The following DHRS3 variants were observed in gnomAD, a reference collection of about 807,000 sequenced individuals.
DHRS3 encodes the protein short-chain dehydrogenase/reductase 3.
DHRS3 carries 14 observed loss-of-function variants against 27.2 expected under a neutral mutation model. The observed-to-expected ratio is 0.52, with a 90% CI of 0.34 to 0.81. The LOEUF is 0.81. DHRS3 is among the 30% of genes least tolerant of loss of function. DHRS3 has a pLI of 0.01. For synonymous variants in DHRS3, 165 were observed against 175.9 expected (o/e 0.94, Z 0.49); for missense variants, 322 against 406.2 (o/e 0.79, Z 1.78).
rs1446538613 is a variant in DHRS3, at chr1:12,574,651, G to A, written c.699-1798C>T. 6.6e-6 allele frequency among the ~76,000 whole-genome samples: 1 copy of A among 152,200 alleles called. No homozygotes were observed. The highest frequency in any genetic ancestry group is 1.5e-5 in the Non-Finnish European group (1 of 68,038). ...CTGTCTCTTGGGAAAGGGAAGGCAG[G>A]ATGGACAGACCAAAGTCCATGGGCT... is the stretch of plus-strand genomic sequence containing the variant. On this transcript the variant is annotated intron_variant, in intron 4 of 5. Coordinates refer to ENST00000616661, the MANE Select transcript of DHRS3 (RefSeq NM_004753.7). This position sits in a 1 kb window ranked among gnomAD's most constrained non-coding sequence, Gnocchi z 4.6.
chr1:12,592,799 C>T lies in DHRS3; in HGVS notation c.196-12133G>A, dbSNP rs1646757275. On this transcript the variant is annotated intron_variant, in intron 1 of 5. Transcript: ENST00000616661. The surrounding 1 kb of genome is among the most constrained non-coding windows in gnomAD (Gnocchi z 4.2). ...GGAAGTGACGGAGGCTGCTTCCCCTCCACACCACTCCCTGTTTTCAGATGC... is the reference window on the plus strand; with the variant it reads ...GGAAGTGACGGAGGCTGCTTCCCCTTCACACCACTCCCTGTTTTCAGATGC... 6.6e-6 allele frequency among the ~76,000 whole-genome samples: 1 copy of T among 152,228 alleles called. No homozygotes were observed. The highest frequency in any genetic ancestry group is 1.5e-5 in the Non-Finnish European group (1 of 68,040).
chr1:12,588,290 A>G (rs1187891720), intron 1 of DHRS3, among the ~76,000 whole-genome samples: 2 of 152,232 alleles, frequency 1.3e-5, no homozygotes, highest in Admixed American at 1.3e-4. Context: ...TCTGTTGAGC[A>G]GTTGCCATGG....
chr1:12,617,272 C>A lies in DHRS3; in HGVS notation c.77G>T (p.Gly26Val), dbSNP rs1646950751. The A allele has an allele frequency of 6.2e-7, 1 of 1,613,714 alleles. No homozygotes were observed. The highest frequency in any genetic ancestry group is 8.5e-7 in the Non-Finnish European group (1 of 1,180,004). ...CCGCAGCTTGGCGGGCAGCACCAGT[C>A]CGACGGCTGCTTTCACCACCAGATA... ...MIYLVVKAAV[G>V]LVLPAKLRDL... Residue 26 changes from glycine to valine, a missense_variant, in exon 1 of 6, where the codon GGA (glycine) becomes GTA (valine). Physicochemically the swap from Gly to Val is moderately radical, Grantham distance 109. Transcript: ENST00000616661.
rs780350885 is a variant in DHRS3, at chr1:12,580,397, G to C, written c.339+126C>G. On this transcript the variant is annotated intron_variant, in intron 2 of 5. Transcript: ENST00000616661. ...CCAGCTTCATGGGAGAGTCCCCAAA[G>C]GTGCCCCGGGCAAAGCCATTCTGCC... 3 of 1,364,612 alleles carry C rather than the reference G, an allele frequency of 2.2e-6. No individual in the cohort carries two copies. The Admixed American group carries it at 5.7e-5, about 26-fold the overall frequency. The allele number at this position is 1,364,612 out of a possible 1,614,324, so 84.5% of individuals were successfully genotyped here. A position where few individuals can be genotyped will look rare whatever the true frequency, so the allele number is the denominator to read the frequency against.
At position 12,568,338 on chromosome 1, in the gene DHRS3, C is replaced by T; in HGVS notation, c.*2G>A. 5 of 1,613,618 alleles carry T rather than the reference C, an allele frequency of 3.1e-6. No homozygotes were observed. The highest frequency in any genetic ancestry group is 3.4e-6 in the Non-Finnish European group (4 of 1,179,572). ...CTCCTCAAGCATGTCTTCATCCTGT[C>T]TCTATGTCCGCCCTTTGAAAGTGTT... On this transcript the variant is annotated 3_prime_UTR_variant, in exon 6 of 6. Transcript: ENST00000616661.
Position 12,593,632 on chromosome 1 carries a change from T to A in DHRS3, c.196-12966A>T, listed in dbSNP as rs1447062200. 6.6e-6 allele frequency among the ~76,000 whole-genome samples: 1 copy of A among 152,210 alleles called. No individual in the cohort carries two copies. Among genetic ancestry groups the A allele is most frequent in the African/African-American group, 2.4e-5 (1 of 41,448 alleles). ...CCTTCTTTGATTTCCTCCTTCCCAG[T>A]TGCTGAGACAGGCATGTCTCCCCCT... On this transcript the variant is annotated intron_variant, in intron 1 of 5. Coordinates refer to ENST00000616661, the MANE Select transcript of DHRS3 (RefSeq NM_004753.7). This position sits in a 1 kb window ranked among gnomAD's most constrained non-coding sequence, Gnocchi z 4.6.
intron 4 of DHRS3, among the ~76,000 whole-genome samples, chr1:12,573,954 G>A (rs1336319603): frequency 6.6e-6 from 1 of 152,104 alleles, no homozygotes; most frequent in Admixed American, 6.5e-5. Context: ...GGATCTATAG[G>A]TGCAGGGCTC....
chr1:12,570,014 TAATC>T (rs1299742069), intron 5 of DHRS3: 1 of 152,210 alleles, frequency 6.6e-6, no homozygotes, highest in African/African-American at 2.4e-5. Context: ...GACAATGGCT[TAATC>T]TGTCTGTGCT....
chr1:12,606,305 TAACAGCA>T (rs1646870918), intron 1 of DHRS3, among the ~76,000 whole-genome samples: 1 of 95,218 alleles, frequency 1.1e-5, no homozygotes, highest in African/African-American at 3.7e-5. Context: ...GACTGACAAT[TAACAGCA>T]AAAAAAAAAA....
chr1:12,613,809 G>A (rs1483400318), intron 1 of DHRS3, among the ~76,000 whole-genome samples: 1 of 152,038 alleles, frequency 6.6e-6, no homozygotes, highest in Non-Finnish European at 1.5e-5. Context: ...TTGCTCTGTC[G>A]CCCAGGCTGG....
Position 12,592,600 on chromosome 1 carries a change from A to T in DHRS3, c.196-11934T>A, listed in dbSNP as rs547137811. Among the ~76,000 whole-genome samples the T allele has an allele frequency of 6.6e-6, 1 of 152,146 alleles. No homozygotes were observed. Among genetic ancestry groups the T allele is most frequent in the African/African-American group, 2.4e-5 (1 of 41,526 alleles). ...CGGGAGGGAGTGGGGCCCTGCTGAC[A>T]CCTGGAGTTTGGACTTCTGGTACCC... On this transcript the variant is annotated intron_variant, in intron 1 of 5. Transcript: ENST00000616661. This position sits in a 1 kb window ranked among gnomAD's most constrained non-coding sequence, Gnocchi z 4.2.
chr1:12,578,680 AG>A lies in DHRS3; in HGVS notation c.698+37del, dbSNP rs1210550724. 1.9e-6 allele frequency: 3 copies of A among 1,583,230 alleles called. No individual in the cohort carries two copies. Among genetic ancestry groups the A allele is most frequent in the Non-Finnish European group, 2.6e-6 (3 of 1,153,392 alleles). The stretch of plus-strand genomic sequence containing the variant: ...ACTGAATGGCTTGGGGAGGCAGGTG[AG>A]AAGGCTGGTCTCAAGGTGGGTCCCC... On this transcript the variant is annotated intron_variant, in intron 4 of 5. Transcript: ENST00000616661. The surrounding 1 kb of genome is among the most constrained non-coding windows in gnomAD (Gnocchi z 4.5).
rs557763512 is a variant in DHRS3, at chr1:12,594,371, C to T, written c.196-13705G>A. On this transcript the variant is annotated intron_variant, in intron 1 of 5. Transcript: ENST00000616661. The surrounding 1 kb of genome is among the most constrained non-coding windows in gnomAD (Gnocchi z 4.1). ...GCGGGGAATACATTTATCTCACTTG[C>T]GGAGTTTGCTTGTGTGTAAGTCCGG... is the stretch of plus-strand genomic sequence containing the variant. Among the ~76,000 whole-genome samples, 6 of 152,282 alleles carry T rather than the reference C, an allele frequency of 3.9e-5. No individual in the cohort carries two copies. The highest frequency in any genetic ancestry group is 2.1e-4 in the South Asian group (1 of 4,820).
intron 1 of DHRS3, among the ~76,000 whole-genome samples, chr1:12,613,473 G>C (rs78188721): frequency 0.017 from 2,576 of 152,304 alleles, 30 homozygotes; most frequent in South Asian, 0.047. Flanking sequence ...GATACCCCAG[G>C]TAGGTTTGCT....
At chr1:12,603,029 T>A (rs573433495) in intron 1 of DHRS3, among the ~76,000 whole-genome samples, 1 of 152,344 alleles carries the variant, frequency 6.6e-6, no homozygotes, top group South Asian at 2.1e-4. Context: ...TTCTGGCAGA[T>A]GGATTTGGGC....
chr1:12,605,312 T>C (rs1007127608), intron 1 of DHRS3, among the ~76,000 whole-genome samples: 2 of 152,330 alleles, frequency 1.3e-5, no homozygotes, highest in Non-Finnish European at 1.5e-5. Flanking sequence ...AGTATCATTC[T>C]TGCATATTAA....
At chr1:12,583,173 C>T (rs919538746) in intron 1 of DHRS3, among the ~76,000 whole-genome samples, 2 of 150,088 alleles carry the variant, frequency 1.3e-5, no homozygotes, top group Admixed American at 6.6e-5. Context: ...CCACTCCATC[C>T]ATCCATCCAC....
In DHRS3 at chr1:12,574,266, G is replaced by T. The variant is rs1646566889; in HGVS notation, c.699-1413C>A. 6.6e-6 allele frequency among the ~76,000 whole-genome samples: 1 copy of T among 152,100 alleles called. No individual in the cohort carries two copies. The highest frequency in any genetic ancestry group is 1.5e-5 in the Non-Finnish European group (1 of 68,014). On this transcript the variant is annotated intron_variant, in intron 4 of 5. Coordinates refer to ENST00000616661, the MANE Select transcript of DHRS3 (RefSeq NM_004753.7). This position sits in a 1 kb window ranked among gnomAD's most constrained non-coding sequence, Gnocchi z 4.6. ...GCTCACTGCAGCCTCGACCTCCCTG[G>T]GCTCAAGTAATCCTCCTGCCTCAGC...
At chr1:12,588,046 A>G (rs1646712653) in intron 1 of DHRS3, among the ~76,000 whole-genome samples, 1 of 152,208 alleles carries the variant, frequency 6.6e-6, no homozygotes, top group African/African-American at 2.4e-5. Flanking sequence ...TGGGGTCTAT[A>G]TCCTGTCTCT....
Sources: gnomAD v4.1 joint callset for allele counts (sites outside exome capture counted in the v4.1 genomes callset) on GRCh38, gnomAD v4.1.1 for gene constraint, Gnocchi (gnomAD v3.1) non-coding constraint, MANE v1.5 for transcripts, NCBI Gene and HGNC (gene_info 2026-07-23, HGNC 2026-07-21) for gene names.